Variants in SEC24B observed in about 807,000 individuals in gnomAD.
SEC24B encodes the protein protein transport protein Sec24B.
SEC24B carries 45 observed loss-of-function variants against 142.8 expected under a neutral mutation model. The ratio of observed to expected loss-of-function variants is 0.32; its 90% CI spans 0.25 to 0.40. The LOEUF (loss-of-function observed/expected upper bound fraction) is 0.40. SEC24B is among the 10% of genes least tolerant of loss of function. The probability of loss-of-function intolerance (pLI) is 1.00; values close to 1 mark genes in which losing one functional copy is unlikely to be tolerated. For missense variants in SEC24B, 1,409 were observed against 1,526.8 expected (o/e 0.92, Z 1.29); for synonymous variants, 574 against 568.2 (o/e 1.01, Z -0.15).
chr4:109,466,656 C>T (rs543476813), intron 2 of SEC24B, among the ~76,000 whole-genome samples: 12 of 152,292 alleles, frequency 7.9e-5, no homozygotes, highest in East Asian at 7.8e-4. Flanking sequence ...GTGATCCGCC[C>T]GCCTTGGCCT....
At chr4:109,526,177 G>C in intron 16 of SEC24B, 49 bp from the exon 17 acceptor site, 1 of 1,543,118 alleles carries the variant, frequency 6.5e-7, no homozygotes, top group Non-Finnish European at 8.9e-7. Flanking sequence ...TTAGCTTGAG[G>C]TGAAGATACT....
chr4:109,504,246 A>G (rs1350454357), intron 6 of SEC24B, among the ~76,000 whole-genome samples: 1 of 152,226 alleles, frequency 6.6e-6, no homozygotes, highest in East Asian at 1.9e-4. Flanking sequence ...AACAAAATTA[A>G]TAATTTCTAA....
At chr4:109,453,462 A>C (rs1319641041) in intron 1 of SEC24B, among the ~76,000 whole-genome samples, 1 of 31,682 alleles carries the variant, frequency 3.2e-5, no homozygotes, top group African/African-American at 1.0e-4. Context: ...CCCCCCCCGA[A>C]TGGCTGTTAA....
At chr4:109,470,667 A>G (rs1732421077) in intron 2 of SEC24B, among the ~76,000 whole-genome samples, 1 of 152,218 alleles carries the variant, frequency 6.6e-6, no homozygotes, top group African/African-American at 2.4e-5. Context: ...TCATAGTTGC[A>G]CTGTTTGTGA....
chr4:109,475,984 C>T (rs1386267309), intron 3 of SEC24B, among the ~76,000 whole-genome samples: 1 of 142,310 alleles, frequency 7.0e-6, no homozygotes, highest in Non-Finnish European at 1.5e-5. Context: ...AACTTTTTCT[C>T]TCTCTCTTTT....
At chr4:109,514,712 A>T (rs1038767835) in intron 10 of SEC24B, among the ~76,000 whole-genome samples, 2 of 152,148 alleles carry the variant, frequency 1.3e-5, no homozygotes, top group Non-Finnish European at 2.9e-5. Context: ...ACAAACAAAC[A>T]AACTCAAAAA....
chr4:109,538,711 T>G, intron 23 of SEC24B, 115 bp downstream of exon 23: 1 of 630,704 alleles, frequency 1.6e-6, no homozygotes, highest in Non-Finnish European at 2.9e-6. Flanking sequence ...GGTAAAATGT[T>G]GTTACTTGAT....
At chr4:109,482,304 T>A (rs1383771090) in intron 4 of SEC24B, among the ~76,000 whole-genome samples, 2 of 152,230 alleles carry the variant, frequency 1.3e-5, no homozygotes, top group African/African-American at 4.8e-5. Flanking sequence ...AAATAGTACA[T>A]ATCTTGCTAG....
At chr4:109,479,210 A>G (rs13122093) in intron 3 of SEC24B, among the ~76,000 whole-genome samples, 13,747 of 152,240 alleles carry the variant, frequency 0.09, 703 homozygotes, top group Middle Eastern at 0.18. Flanking sequence ...GTTAGATTCT[A>G]TAAAGTGTTT....
intron 5 of SEC24B, among the ~76,000 whole-genome samples, chr4:109,493,132 G>T (rs946966852): frequency 6.6e-6 from 1 of 152,090 alleles, no homozygotes; most frequent in Admixed American, 6.5e-5. Flanking sequence ...GATTATGACA[G>T]CATGTTGAAG....
chr4:109,469,404 CACTT>C (rs1406224653), intron 2 of SEC24B, among the ~76,000 whole-genome samples: 1 of 152,180 alleles, frequency 6.6e-6, no homozygotes, highest in Non-Finnish European at 1.5e-5. Flanking sequence ...TGAGTAAAAA[CACTT>C]AGTGCTATCC....
chr4:109,529,117 C>G (rs181926035), intron 18 of SEC24B, among the ~76,000 whole-genome samples: 3 of 149,596 alleles, frequency 2.0e-5, no homozygotes, highest in Non-Finnish European at 3.0e-5. Flanking sequence ...GAGCCAAGAT[C>G]GCACCACTGC....
intron 5 of SEC24B, 88 bp from the exon 6 acceptor site, chr4:109,494,527 A>G: frequency 6.6e-7 from 1 of 1,521,698 alleles, no homozygotes; most frequent in Non-Finnish European, 8.9e-7. Context: ...TAAAAAGGAA[A>G]TGTCAGGGGT....
At chr4:109,486,408 G>T (rs1030380708) in intron 4 of SEC24B, among the ~76,000 whole-genome samples, 1 of 152,156 alleles carries the variant, frequency 6.6e-6, no homozygotes, top group Non-Finnish European at 1.5e-5. Context: ...ACAGAAAACA[G>T]CTTAAGCCTT....
intron 21 of SEC24B, 33 bp from the exon 22 acceptor site, chr4:109,533,560 G>A: frequency 2.4e-6 from 3 of 1,249,954 alleles, no homozygotes; most frequent in Non-Finnish European, 3.5e-6. Flanking sequence ...AACTATTAGG[G>A]AGTTTTAATA....
At chr4:109,512,756 GC>G (rs1737494286) in intron 9 of SEC24B, among the ~76,000 whole-genome samples, 1 of 151,222 alleles carries the variant, frequency 6.6e-6, no homozygotes, top group African/African-American at 2.4e-5. Context: ...CCAGGTTCAA[GC>G]TATAAGTTTT....
intron 2 of SEC24B, among the ~76,000 whole-genome samples, chr4:109,466,663 G>C (rs1223690227): frequency 6.6e-6 from 1 of 152,172 alleles, no homozygotes; most frequent in African/African-American, 2.4e-5. Flanking sequence ...GCCCGCCTTG[G>C]CCTCCCAAAG....
intron 19 of SEC24B, 57 bp from the exon 20 acceptor site, chr4:109,531,328 A>T: frequency 7.0e-7 from 1 of 1,434,984 alleles, no homozygotes; most frequent in Non-Finnish European, 9.6e-7. Flanking sequence ...TATTTGTTTT[A>T]ATATTTGTCC....
At chr4:109,525,939 T>A (rs1724173266) in intron 16 of SEC24B, among the ~76,000 whole-genome samples, 1 of 152,186 alleles carries the variant, frequency 6.6e-6, no homozygotes, top group Admixed American at 6.5e-5. Flanking sequence ...TTGCTTAATT[T>A]TGTAAATTAA....
Sources: gnomAD v4.1 joint callset for allele counts (sites outside exome capture counted in the v4.1 genomes callset) on GRCh38, gnomAD v4.1.1 for gene constraint, MANE v1.5 for transcripts, NCBI Gene and HGNC (gene_info 2026-07-23, HGNC 2026-07-21) for gene names.